SMURF1: variants seen among roughly 807,000 people sequenced by gnomAD.
SMURF1 encodes E3 ubiquitin-protein ligase SMURF1.
SMURF1 carries 44 observed loss-of-function variants against 98.0 expected under a neutral mutation model. The ratio of observed to expected loss-of-function variants is 0.45; its 90% CI spans 0.35 to 0.58. SMURF1 has a LOEUF of 0.58. Ranked by LOEUF, SMURF1 falls within the 20% of genes least tolerant of loss-of-function variation. The probability of loss-of-function intolerance (pLI) is 0.00; values close to 1 mark genes in which losing one functional copy is unlikely to be tolerated. For missense variants in SMURF1, 687 were observed against 938.4 expected (o/e 0.73, Z 3.50); for synonymous variants, 396 against 374.9 (o/e 1.06, Z -0.65).
At chr7:99,044,753 G>A (rs1307085274) in intron 11 of SMURF1, among the ~76,000 whole-genome samples, 1 of 152,214 alleles carries the variant, frequency 6.6e-6, no homozygotes, top group African/African-American at 2.4e-5. Context: ...AGTAACTAGA[G>A]TCAGTCTATC....
At chr7:99,115,709 A>G (rs1012712803) in intron 1 of SMURF1, among the ~76,000 whole-genome samples, 8 of 152,200 alleles carry the variant, frequency 5.3e-5, no homozygotes, top group African/African-American at 1.9e-4. Flanking sequence ...TGCATACTAC[A>G]AAAACTGACT....
intron 1 of SMURF1, among the ~76,000 whole-genome samples, chr7:99,130,211 G>A (rs1021595741): frequency 3.3e-5 from 5 of 152,224 alleles, no homozygotes; most frequent in African/African-American, 1.2e-4. Context: ...CCAGCACTTT[G>A]GGAGGCTGAG....
At chr7:99,131,529 A>G (rs941089776) in intron 1 of SMURF1, among the ~76,000 whole-genome samples, 1 of 152,110 alleles carries the variant, frequency 6.6e-6, no homozygotes, top group Non-Finnish European at 1.5e-5. Flanking sequence ...GGATCGCTTG[A>G]AGCCAGGAGT....
chr7:99,038,251 G>T, intron 14 of SMURF1, 137 bp downstream of exon 14: 2 of 1,051,854 alleles, frequency 1.9e-6, no homozygotes, highest in Non-Finnish European at 2.7e-6. Context: ...TCTGAAAGTC[G>T]CCTCTGTTCA....
At chr7:99,114,644 T>C (rs1290222407) in intron 1 of SMURF1, among the ~76,000 whole-genome samples, 1 of 152,102 alleles carries the variant, frequency 6.6e-6, no homozygotes, top group Non-Finnish European at 1.5e-5. Flanking sequence ...AAAAATACTA[T>C]AAAGCAACTA....
At position 99,028,039 on chromosome 7, in the gene SMURF1, T is replaced by G. The variant is rs1794753402; in HGVS notation, c.*2545A>C. 1 of 152,572 alleles carries G rather than the reference T, an allele frequency of 6.6e-6. No individual in the cohort carries two copies. Among genetic ancestry groups the G allele is most frequent in the Non-Finnish European group, 1.5e-5 (1 of 68,084 alleles). The allele number at this position is 152,572 out of a possible 1,614,324, so 9.5% of individuals were successfully genotyped here. A position where few individuals can be genotyped will look rare whatever the true frequency, so the allele number is the denominator to read the frequency against. ...GGCGGAGTGGTGTTAGCTACATCCCTGAGTGTCGGCTGACGGCCGCTGGTG... is the reference window on the plus strand; with the variant it reads ...GGCGGAGTGGTGTTAGCTACATCCCGGAGTGTCGGCTGACGGCCGCTGGTG... On this transcript the variant is annotated 3_prime_UTR_variant, in exon 18 of 18. Transcript: ENST00000361368.
At chr7:99,130,891 T>C (rs1797858560) in intron 1 of SMURF1, among the ~76,000 whole-genome samples, 1 of 152,168 alleles carries the variant, frequency 6.6e-6, no homozygotes, top group Admixed American at 6.5e-5. Context: ...GCCACAGCGG[T>C]TGGTTCAGCA....
chr7:99,049,231 C>T (rs190477423), intron 9 of SMURF1: 63 of 272,568 alleles, frequency 2.3e-4, no homozygotes, highest in Admixed American at 5.5e-4. Flanking sequence ...GGGGATAGCA[C>T]GTATCTCTAC....
Position 99,028,196 on chromosome 7 carries a change from G to T in SMURF1, c.*2388C>A, listed in dbSNP as rs1794761530. The T allele has an allele frequency of 6.6e-6, 1 of 152,630 alleles. No individual in the cohort carries two copies. The highest frequency in any genetic ancestry group is 1.5e-5 in the Non-Finnish European group (1 of 68,092). The allele number at this position is 152,630 out of a possible 1,614,324, so 9.5% of individuals were successfully genotyped here. On this transcript the variant is annotated 3_prime_UTR_variant, in exon 18 of 18. Coordinates refer to ENST00000361368, the MANE Select transcript of SMURF1 (RefSeq NM_181349.3). ...GTGGGCTTCGCGCGGACCCAAAGTA[G>T]AACAGTCGGGAAGCTTTTACCATTT...
At chr7:99,117,202 A>T (rs1216870896) in intron 1 of SMURF1, among the ~76,000 whole-genome samples, 1 of 152,180 alleles carries the variant, frequency 6.6e-6, no homozygotes, top group Admixed American at 6.5e-5. Context: ...ATATATAAAG[A>T]TTAATTCAGA....
intron 1 of SMURF1, among the ~76,000 whole-genome samples, chr7:99,068,407 C>T (rs1030643678): frequency 6.6e-6 from 1 of 152,222 alleles, no homozygotes; most frequent in Non-Finnish European, 1.5e-5. Context: ...CCTCCCACCT[C>T]GGCCTCCTGA....
intron 1 of SMURF1, among the ~76,000 whole-genome samples, chr7:99,101,058 A>G (rs1797067043): frequency 6.6e-6 from 1 of 152,264 alleles, no homozygotes; most frequent in Non-Finnish European, 1.5e-5. Context: ...TTTAGAACTG[A>G]ATCCAGTTTT....
chr7:99,033,178 G>A (rs1037904749), intron 16 of SMURF1, 57 bp from the exon 17 acceptor site: 164 of 1,517,056 alleles, frequency 1.1e-4, no homozygotes, highest in Middle Eastern at 6.6e-4. Flanking sequence ...GGCGCTTCCC[G>A]GCCACACAGC....
At chr7:99,056,682 C>T (rs756933305) in intron 5 of SMURF1, among the ~76,000 whole-genome samples, 5 of 152,076 alleles carry the variant, frequency 3.3e-5, no homozygotes, top group Non-Finnish European at 7.4e-5. Flanking sequence ...TTTCTGTACC[C>T]GAGTCATTTT....
intron 1 of SMURF1, among the ~76,000 whole-genome samples, chr7:99,125,488 A>G (rs1484540068): frequency 6.6e-6 from 1 of 152,248 alleles, no homozygotes; most frequent in Non-Finnish European, 1.5e-5. Context: ...CATCCTAGAA[A>G]GACTATCATC....
chr7:99,116,980 C>A (rs1303820281), intron 1 of SMURF1, among the ~76,000 whole-genome samples: 1 of 152,112 alleles, frequency 6.6e-6, no homozygotes, highest in Non-Finnish European at 1.5e-5. Context: ...CAGTGTGGTA[C>A]TGGCATAAGG....
intron 1 of SMURF1, among the ~76,000 whole-genome samples, chr7:99,103,271 C>G (rs536103050): frequency 6.6e-6 from 1 of 152,140 alleles, no homozygotes; most frequent in African/African-American, 2.4e-5. Flanking sequence ...TGTATACATA[C>G]GCCTGTGTTC....
intron 6 of SMURF1, among the ~76,000 whole-genome samples, chr7:99,053,983 C>T (rs183864346): frequency 6.6e-6 from 1 of 152,110 alleles, no homozygotes; most frequent in Non-Finnish European, 1.5e-5. Context: ...CAAGGTGGAG[C>T]GCAGTGGTGT....
intron 1 of SMURF1, among the ~76,000 whole-genome samples, chr7:99,120,969 T>A: frequency 1.3e-5 from 2 of 150,974 alleles, no homozygotes; most frequent in Non-Finnish European, 1.5e-5. Flanking sequence ...AAAGAAACAG[T>A]GAAATAAGGA....
Sources: gnomAD v4.1 joint callset for allele counts (sites outside exome capture counted in the v4.1 genomes callset) on GRCh38, gnomAD v4.1.1 for gene constraint, MANE v1.5 for transcripts, NCBI Gene and HGNC (gene_info 2026-07-23, HGNC 2026-07-21) for gene names.